SLCO1B3: variants seen among roughly 807,000 people sequenced by gnomAD.
SLCO1B3 encodes liver-specific organic anion transporter 2.
Under a neutral mutation model 71.8 loss-of-function variants are expected in SLCO1B3, and 72 were observed. The ratio of observed to expected loss-of-function variants is 1.00; its 90% CI spans 0.83 to 1.22. The LOEUF is 1.22. Among genes scored for constraint, SLCO1B3 ranks in the 50% most tolerant of loss-of-function variants. SLCO1B3 has a pLI of 0.00. For synonymous variants in SLCO1B3, 298 were observed against 278.4 expected (o/e 1.07, Z -0.70); for missense variants, 911 against 819.7 (o/e 1.11, Z -1.36).
In SLCO1B3 at chr12:20,877,877, T is replaced by C; in HGVS notation, c.1076T>C (p.Val359Ala). 1 of 1,591,456 alleles carries C rather than the reference T, an allele frequency of 6.3e-7. No homozygotes were observed. Among genetic ancestry groups the C allele is most frequent in the South Asian group, 1.2e-5 (1 of 86,476 alleles). ...AGCTTTATTGGTTCTTTTACTTACGTCTTTAAATATATGGAGCAACAGTAC... is the reference window on the plus strand; with the variant it reads ...AGCTTTATTGGTTCTTTTACTTACGCCTTTAAATATATGGAGCAACAGTAC... ...VSSFIGSFTYVFKYMEQQYGQ... is the reference protein window; with the variant it reads ...VSSFIGSFTYAFKYMEQQYGQ... The change falls in exon 10 of 16, where the codon GTC becomes GCC. Residue 359 changes from valine to alanine, a missense_variant. Val to Ala is a moderately conservative substitution (Grantham distance 64). Coordinates refer to ENST00000381545, the MANE Select transcript of SLCO1B3 (RefSeq NM_019844.4).
chr12:20,853,485 C>T (rs1482917812), intron 3 of SLCO1B3, among the ~76,000 whole-genome samples: 1 of 151,862 alleles, frequency 6.6e-6, no homozygotes, highest in Non-Finnish European at 1.5e-5. Context: ...GGAATGTATT[C>T]ATTTATTCTA....
rs773491741 is a variant in SLCO1B3 at position 20,861,201 on chromosome 12, G to A, written c.481+63G>A. On this transcript the variant is annotated intron_variant, in intron 6 of 15. Coordinates refer to ENST00000381545, the MANE Select transcript of SLCO1B3 (RefSeq NM_019844.4). ...TGATAGATTTAATCACGTCTATAAA[G>A]TTTCTGATATTCTTTAACAAAATTG... 29 of 1,419,394 alleles carry A rather than the reference G, an allele frequency of 2.0e-5. 1 individual carries two copies. Among genetic ancestry groups the A allele is most frequent in the Non-Finnish European group, 2.2e-5 (23 of 1,054,818 alleles). The allele number at this position is 1,419,394 out of a possible 1,614,324, so 87.9% of individuals were successfully genotyped here.
intron 8 of SLCO1B3, among the ~76,000 whole-genome samples, chr12:20,866,033 T>G (rs75393367): frequency 0.01 from 1,592 of 152,244 alleles, 20 homozygotes; most frequent in African/African-American, 0.035. Flanking sequence ...CAGTAAGTGA[T>G]GAATCACAGT....
rs578082929 is a variant in SLCO1B3 at position 20,887,728 on chromosome 12, TTTAA to T, written c.1682+4131_1682+4134del. ...TTTTTACTGAACAAAAGTTTTGTAG[TTTAA>T]TTAAGTTCCATTGGTGTATTATTTT... On this transcript the variant is annotated intron_variant, in intron 13 of 15. Coordinates refer to ENST00000381545, the MANE Select transcript of SLCO1B3 (RefSeq NM_019844.4). Among the ~76,000 whole-genome samples the T allele has an allele frequency of 8.2e-3, 1,252 of 151,826 alleles. 28 individuals are homozygous for T. Among genetic ancestry groups the T allele is most frequent in the Non-Finnish European group, 0.01 (685 of 67,844 alleles).
intron 3 of SLCO1B3, among the ~76,000 whole-genome samples, chr12:20,823,978 A>C (rs1350540488): frequency 6.6e-6 from 1 of 152,198 alleles, no homozygotes; most frequent in Non-Finnish European, 1.5e-5. Flanking sequence ...AGTGTCTCGA[A>C]TTACGTCCTG....
intron 3 of SLCO1B3, among the ~76,000 whole-genome samples, chr12:20,833,390 T>C (rs1847095328): frequency 1.3e-5 from 2 of 150,640 alleles, no homozygotes; most frequent in South Asian, 4.2e-4. Context: ...CTATATATTC[T>C]CCATATATAT....
chr12:20,867,506 A>G (rs4762686), intron 8 of SLCO1B3, among the ~76,000 whole-genome samples: 1 of 151,872 alleles, frequency 6.6e-6, no homozygotes, highest in African/African-American at 2.4e-5. Flanking sequence ...AACAGGCACA[A>G]CAGAGGAATT....
chr12:20,907,460 T>TCCCTTCCCCTTC (rs375335333), intron 15 of SLCO1B3, among the ~76,000 whole-genome samples: 2 of 76,240 alleles, frequency 2.6e-5, no homozygotes, highest in Non-Finnish European at 4.9e-5. Context: ...TTCCTTCCCC[T>TCCCTTCCCCTTC]CCCTTCCCCT....
chr12:20,839,521 C>T (rs1179618182), intron 3 of SLCO1B3, among the ~76,000 whole-genome samples: 1 of 152,096 alleles, frequency 6.6e-6, no homozygotes, highest in Admixed American at 6.6e-5. Flanking sequence ...AAATGCAATT[C>T]TTATCTTTGT....
intron 14 of SLCO1B3, among the ~76,000 whole-genome samples, chr12:20,900,141 G>A (rs1170701891): frequency 6.6e-6 from 1 of 152,038 alleles, no homozygotes; most frequent in East Asian, 1.9e-4. Flanking sequence ...ATTTTTCTAA[G>A]GGTCGCTGTG....
Position 20,830,020 on chromosome 12 carries a change from C to G in SLCO1B3, c.84+14198C>G, listed in dbSNP as rs530518356. Among the ~76,000 whole-genome samples, 6 of 152,282 alleles carry G rather than the reference C, an allele frequency of 3.9e-5. No individual in the cohort carries two copies. In the East Asian group the frequency reaches 1.2e-3, roughly 29 times the overall value. ...CCTATATTTTGTGCTGAACTTCTGTCTCATCCTGTGACTTAGAATGCCTTA... is the reference window on the plus strand; with the variant it reads ...CCTATATTTTGTGCTGAACTTCTGTGTCATCCTGTGACTTAGAATGCCTTA... On this transcript the variant is annotated intron_variant, in intron 3 of 15. Transcript: ENST00000381545.
chr12:20,883,136 G>C (rs982893217), intron 12 of SLCO1B3, among the ~76,000 whole-genome samples: 14 of 152,280 alleles, frequency 9.2e-5, no homozygotes, highest in African/African-American at 3.4e-4. Context: ...CTGCCAAAGA[G>C]AGTAAGAATG....
chr12:20,826,681 GA>G (rs59247806), intron 3 of SLCO1B3, among the ~76,000 whole-genome samples: 10 of 148,700 alleles, frequency 6.7e-5, no homozygotes, highest in Non-Finnish European at 1.0e-4. Flanking sequence ...AGTCATTTTA[GA>G]AAAAAAAAAT....
intron 13 of SLCO1B3, among the ~76,000 whole-genome samples, chr12:20,889,696 A>T (rs766643961): frequency 5.1e-4 from 78 of 151,658 alleles, no homozygotes; most frequent in Non-Finnish European, 1.0e-3. Flanking sequence ...TCTCATTTAG[A>T]TTTTTTCTTT....
At chr12:20,902,898 A>C (rs569321132) in intron 15 of SLCO1B3, among the ~76,000 whole-genome samples, 3 of 151,948 alleles carry the variant, frequency 2.0e-5, no homozygotes, top group Admixed American at 1.3e-4. Flanking sequence ...GTGAAACCTT[A>C]TCTCTAGTAA....
intron 15 of SLCO1B3, among the ~76,000 whole-genome samples, chr12:20,915,780 GCT>G (rs1866480127): frequency 6.6e-6 from 1 of 152,086 alleles, no homozygotes; most frequent in South Asian, 2.1e-4. Flanking sequence ...CCAAAGGAAG[GCT>G]AGAGACAGCT....
intron 5 of SLCO1B3, 102 bp from the exon 6 acceptor site, chr12:20,860,915 A>G: frequency 1.7e-6 from 2 of 1,155,444 alleles, no homozygotes; most frequent in South Asian, 3.0e-5. Flanking sequence ...AATTTGGAGA[A>G]GACAGCGGTT....
At chr12:20,842,175 T>G (rs1864817212) in intron 3 of SLCO1B3, among the ~76,000 whole-genome samples, 1 of 152,210 alleles carries the variant, frequency 6.6e-6, no homozygotes, top group South Asian at 2.1e-4. Context: ...ATTACAGGCA[T>G]GAGCCACCAT....
chr12:20,847,464 A>G lies in SLCO1B3; in HGVS notation c.85-7564A>G, dbSNP rs568446693. The stretch of plus-strand genomic sequence containing the variant: ...TACGAGTAGAAGCTAGCTGTCTTCA[A>G]CCTAAAAGAGGGCCTTCACCAGAAT... On this transcript the variant is annotated intron_variant, in intron 3 of 15. Transcript: ENST00000381545. Among the ~76,000 whole-genome samples the G allele has an allele frequency of 8.4e-4, 128 of 152,252 alleles. 1 individual carries two copies. Among genetic ancestry groups the G allele is most frequent in the African/African-American group, 2.8e-3 (115 of 41,552 alleles).
Sources: allele counts gnomAD v4.1 joint callset (sites outside exome capture counted in the v4.1 genomes callset), GRCh38; gene constraint gnomAD v4.1.1; transcripts MANE v1.5; gene names NCBI Gene and HGNC (gene_info 2026-07-23, HGNC 2026-07-21).